ABI3BP: variants seen among roughly 807,000 people sequenced by gnomAD.
ABI3BP encodes target of Nesh-SH3.
A neutral mutation model predicts 268.6 loss-of-function variants in ABI3BP; 216 were observed. That is an observed-to-expected ratio of 0.80 (90% CI 0.72 to 0.90). The LOEUF (loss-of-function observed/expected upper bound fraction) is 0.90, where lower values mean the gene tolerates loss of function less well. Ranked by LOEUF, ABI3BP falls within the 40% of genes least tolerant of loss-of-function variation. ABI3BP has a pLI of 0.00. For missense variants in ABI3BP, 2,090 were observed against 2,182.4 expected (o/e 0.96, Z 0.84); for synonymous variants, 730 against 730.0 (o/e 1.00, Z 0.00).
At chr3:100,766,959 A>T (rs1411811125) in intron 62 of ABI3BP, among the ~76,000 whole-genome samples, 3 of 152,190 alleles carry the variant, frequency 2.0e-5, no homozygotes, top group African/African-American at 4.8e-5. Context: ...AAATAAAATA[A>T]AAAACTAGAA....
intron 21 of ABI3BP, 134 bp from the exon 22 acceptor site, chr3:100,840,992 T>C: frequency 1.4e-6 from 1 of 699,326 alleles, no homozygotes; most frequent in Non-Finnish European, 2.2e-6. Flanking sequence ...TTTATCCACA[T>C]GCAAAGTTTC....
chr3:100,825,973 G>A, intron 34 of ABI3BP, 129 bp from the exon 35 acceptor site: 2 of 710,722 alleles, frequency 2.8e-6, no homozygotes, highest in Non-Finnish European at 4.8e-6. Context: ...AGGGCATTAG[G>A]ACTGAATTAT....
chr3:100,938,834 C>A (rs1264841388), intron 1 of ABI3BP, among the ~76,000 whole-genome samples: 1 of 152,064 alleles, frequency 6.6e-6, no homozygotes, highest in Non-Finnish European at 1.5e-5. Context: ...TAGAGATGAA[C>A]AAAGTCATGG....
At chr3:100,870,687 T>G (rs2099100295) in intron 9 of ABI3BP, among the ~76,000 whole-genome samples, 1 of 152,190 alleles carries the variant, frequency 6.6e-6, no homozygotes, top group Non-Finnish European at 1.5e-5. Context: ...CAGCAATCCC[T>G]CTTCTGGACA....
rs1169419205 is a variant in ABI3BP, at chr3:100,840,915, T to C, written c.1766-57A>G. ...AATCAAGATCAAAGGAAAAATGACATGTATTTAAAACATGGAATATGCTTA... is the reference window on the plus strand; with the variant it reads ...AATCAAGATCAAAGGAAAAATGACACGTATTTAAAACATGGAATATGCTTA... On this transcript the variant is annotated intron_variant, in intron 21 of 67. Transcript: ENST00000471714. 10 of 1,396,892 alleles carry C rather than the reference T, an allele frequency of 7.2e-6. No homozygotes were observed. In the East Asian group the frequency reaches 2.0e-4, roughly 28 times the overall value. The allele number at this position is 1,396,892 out of a possible 1,614,324, so 86.5% of individuals were successfully genotyped here.
At chr3:100,990,612 A>G (rs1219400906) in intron 1 of ABI3BP, among the ~76,000 whole-genome samples, 9 of 149,346 alleles carry the variant, frequency 6.0e-5, no homozygotes, top group Non-Finnish European at 1.2e-4. Flanking sequence ...TAAAATATGT[A>G]CATAAAAATG....
intron 4 of ABI3BP, among the ~76,000 whole-genome samples, chr3:100,897,061 A>G (rs557446333): frequency 5.6e-5 from 8 of 142,902 alleles, no homozygotes; most frequent in African/African-American, 2.1e-4. Context: ...TAAATAAAAC[A>G]CTACAAAAAA....
At chr3:100,901,935 G>A (rs896013035) in intron 3 of ABI3BP, among the ~76,000 whole-genome samples, 13 of 152,020 alleles carry the variant, frequency 8.6e-5, no homozygotes, top group African/African-American at 3.1e-4. Flanking sequence ...AGACGACATA[G>A]AATTTTAATC....
At chr3:100,852,142 C>T (rs1157163428) in intron 14 of ABI3BP, among the ~76,000 whole-genome samples, 1 of 152,116 alleles carries the variant, frequency 6.6e-6, no homozygotes, top group African/African-American at 2.4e-5. Context: ...TTGCTCTGAA[C>T]CGCAGGATTT....
rs763496386 is a variant in ABI3BP at position 100,876,560 on chromosome 3, G to C, written c.697C>G (p.Pro233Ala). Residue 233 changes from proline to alanine, a missense_variant and splice_region_variant, in exon 7 of 68, where the codon CCA becomes GCA. Coordinates refer to ENST00000471714, the MANE Select transcript of ABI3BP (RefSeq NM_001375547.2). ...QSTYDQDHTV[P>A]AYVPRKLIPI... ...ATTAGTTTCCTTGGGACATATGCTG[G>C]CTGCAAAGAGAAGAAGAAAGTCAAC... is the stretch of plus-strand genomic sequence containing the variant. 7.4e-6 allele frequency: 12 copies of C among 1,612,870 alleles called. No individual in the cohort carries two copies. The highest frequency in any genetic ancestry group is 2.2e-5 in the South Asian group (2 of 90,898).
intron 1 of ABI3BP, among the ~76,000 whole-genome samples, chr3:100,970,769 T>G (rs2083266877): frequency 1.3e-5 from 2 of 152,188 alleles, no homozygotes; most frequent in Admixed American, 6.5e-5. Flanking sequence ...GCAGCACCTG[T>G]TCTCCCTCTC....
intron 1 of ABI3BP, among the ~76,000 whole-genome samples, chr3:100,977,597 T>C (rs1277740237): frequency 6.6e-6 from 1 of 152,220 alleles, no homozygotes; most frequent in Non-Finnish European, 1.5e-5. Context: ...CAGCTGGTTT[T>C]CTCCAGATTG....
intron 2 of ABI3BP, among the ~76,000 whole-genome samples, chr3:100,915,266 G>T (rs1465470390): frequency 6.6e-6 from 1 of 152,032 alleles, no homozygotes; most frequent in Non-Finnish European, 1.5e-5. Context: ...TTCCCTGCAG[G>T]TCTGCCATCC....
In ABI3BP at chr3:100,751,620, A is replaced by C. The variant is rs945804234; in HGVS notation, c.5177T>G (p.Phe1726Cys). The change falls in exon 67 of 68, where the codon TTT (phenylalanine) becomes TGT (cysteine). Residue 1726 changes from phenylalanine (F) to cysteine (C), a missense_variant. Physicochemically the swap from Phe to Cys is radical, Grantham distance 205. Transcript: ENST00000471714. ...GCGTCCATCTAAAAATGAATCCACA[A>C]ACTGGCAGTGATCTTCTCCATGGCC... ...QRGHGEDHCQ[F>C]VDSFLDGRTG... The C allele has an allele frequency of 6.2e-7, 1 of 1,603,278 alleles. No individual in the cohort carries two copies. Among genetic ancestry groups the C allele is most frequent in the Non-Finnish European group, 8.5e-7 (1 of 1,174,136 alleles).
At chr3:100,796,340 A>T in intron 52 of ABI3BP, 69 bp downstream of exon 52, 2 of 1,271,368 alleles carry the variant, frequency 1.6e-6, no homozygotes, top group Non-Finnish European at 1.1e-6. Flanking sequence ...TTAAAAATAT[A>T]TTTACTTCAA....
chr3:100,986,842 C>T (rs972400060), intron 1 of ABI3BP, among the ~76,000 whole-genome samples: 9 of 152,048 alleles, frequency 5.9e-5, no homozygotes, highest in Admixed American at 1.3e-4. Context: ...AATATCATGC[C>T]TGATACACAG....
chr3:100,852,135 C>T (rs1454607735), intron 14 of ABI3BP, among the ~76,000 whole-genome samples, 195 bp from the exon 15 acceptor site: 1 of 152,074 alleles, frequency 6.6e-6, no homozygotes, highest in Non-Finnish European at 1.5e-5. Flanking sequence ...TCCTTTTTTG[C>T]TCTGAACCGC....
chr3:100,913,918 G>C (rs974873393), intron 2 of ABI3BP, among the ~76,000 whole-genome samples: 3 of 152,160 alleles, frequency 2.0e-5, no homozygotes, highest in African/African-American at 7.2e-5. Context: ...TGGAAACATA[G>C]TAATTGCTCA....
intron 3 of ABI3BP, among the ~76,000 whole-genome samples, chr3:100,899,528 TC>T (rs544480031): frequency 1.6e-4 from 25 of 152,344 alleles, no homozygotes; most frequent in African/African-American, 5.1e-4. Context: ...GCACAGTTGT[TC>T]TGATGGTGCC....
Sources: allele counts gnomAD v4.1 joint callset (sites outside exome capture counted in the v4.1 genomes callset), GRCh38; gene constraint gnomAD v4.1.1; transcripts MANE v1.5; gene names NCBI Gene and HGNC (gene_info 2026-07-23, HGNC 2026-07-21).